Variants in CERT1 observed in about 807,000 individuals in gnomAD.
The protein encoded by CERT1 is ceramide transporter 1.
Under a neutral mutation model 87.9 loss-of-function variants are expected in CERT1, and 31 were observed. That is an observed-to-expected ratio of 0.35 (90% confidence interval 0.27 to 0.48). The LOEUF is 0.48. Among genes scored for constraint, CERT1 ranks in the 20% least tolerant of loss-of-function variants. The pLI is 0.99. For missense variants in CERT1, 487 were observed against 758.0 expected (o/e 0.64, Z 4.20); for synonymous variants, 289 against 250.9 (o/e 1.15, Z -1.44).
At chr5:75,409,830 CGT>C (rs1561242254) in intron 8 of CERT1, among the ~76,000 whole-genome samples, 1 of 143,206 alleles carries the variant, frequency 7.0e-6, no homozygotes, top group African/African-American at 2.5e-5. Context: ...CTGGCCAACA[CGT>C]TTTTTTTTTT....
At chr5:75,423,666 A>G (rs769392779) in intron 5 of CERT1, among the ~76,000 whole-genome samples, 1 of 152,214 alleles carries the variant, frequency 6.6e-6, no homozygotes, top group Non-Finnish European at 1.5e-5. Context: ...ACTTGAGCCC[A>G]GGAGTTTAAG....
intron 11 of CERT1, among the ~76,000 whole-genome samples, chr5:75,398,732 T>C (rs1291212406): frequency 1.3e-5 from 2 of 152,204 alleles, no homozygotes; most frequent in Non-Finnish European, 2.9e-5. Flanking sequence ...CCTAAACCCT[T>C]ACCAATGCTA....
At chr5:75,415,839 G>C (rs1193942119) in intron 7 of CERT1, among the ~76,000 whole-genome samples, 3 of 151,764 alleles carry the variant, frequency 2.0e-5, no homozygotes, top group Non-Finnish European at 4.4e-5. Context: ...TGAAATCTTT[G>C]AAGATAATAA....
At chr5:75,489,886 A>C (rs1269233409) in intron 2 of CERT1, among the ~76,000 whole-genome samples, 1 of 152,206 alleles carries the variant, frequency 6.6e-6, no homozygotes, top group Non-Finnish European at 1.5e-5. Flanking sequence ...AAGGATTACA[A>C]ATCACTCTTC....
chr5:75,447,397 G>A (rs1764589448), intron 3 of CERT1, among the ~76,000 whole-genome samples: 1 of 151,634 alleles, frequency 6.6e-6, no homozygotes, highest in Non-Finnish European at 1.5e-5. Context: ...CGTTGTCTGG[G>A]TTATAAGACT....
chr5:75,413,668 T>TAC (rs148440926), intron 7 of CERT1, among the ~76,000 whole-genome samples: 11,798 of 150,150 alleles, frequency 0.079, 533 homozygotes, highest in South Asian at 0.17. Context: ...CCAACACCTA[T>TAC]ACACACACAC....
At chr5:75,372,491 T>C (rs1479345374) in intron 17 of CERT1, 1 of 152,216 alleles carries the variant, frequency 6.6e-6, no homozygotes, top group African/African-American at 2.4e-5. Context: ...TACCACCATA[T>C]AGGCACTTTT....
chr5:75,406,146 C>T (rs1367632005), intron 8 of CERT1, among the ~76,000 whole-genome samples: 9 of 152,216 alleles, frequency 5.9e-5, no homozygotes, highest in Admixed American at 5.2e-4. Context: ...AGGATCTGAA[C>T]TAATTCTTGT....
intron 2 of CERT1, among the ~76,000 whole-genome samples, chr5:75,498,297 T>C (rs1427891399): frequency 1.3e-5 from 2 of 152,170 alleles, no homozygotes; most frequent in African/African-American, 4.8e-5. Flanking sequence ...CTGCAAAAAT[T>C]TGCATAAGTA....
At chr5:75,511,863 C>G (rs899698862), upstream of CERT1, 81 of 1,529,006 alleles carry the variant, frequency 5.3e-5, 2 homozygotes, top group Non-Finnish European at 6.6e-5. Context: ...GGGCGTTGGT[C>G]CGTCGCTCGC....
At chr5:75,382,229 C>A in intron 14 of CERT1, 152 bp from the exon 15 acceptor site, 2 of 673,686 alleles carry the variant, frequency 3.0e-6, no homozygotes, top group Non-Finnish European at 5.0e-6. Flanking sequence ...TAATTATGAA[C>A]AGAGTTAATA....
chr5:75,424,168 C>CAAG (rs1763502070), intron 5 of CERT1, among the ~76,000 whole-genome samples: 1 of 152,168 alleles, frequency 6.6e-6, no homozygotes, highest in South Asian at 2.1e-4. Context: ...TTGAAGATAT[C>CAAG]TTGTTTCTTT....
chr5:75,396,111 T>C (rs1243405684), intron 11 of CERT1, among the ~76,000 whole-genome samples: 3 of 152,154 alleles, frequency 2.0e-5, no homozygotes, highest in Non-Finnish European at 4.4e-5. Flanking sequence ...TAAAACATCA[T>C]TTCAAGAAGA....
intron 2 of CERT1, among the ~76,000 whole-genome samples, chr5:75,469,679 T>A (rs550665625): frequency 6.6e-6 from 1 of 152,006 alleles, no homozygotes. Flanking sequence ...ACAGTAAGAA[T>A]AGAAAACAAT....
intron 3 of CERT1, among the ~76,000 whole-genome samples, chr5:75,448,447 T>C (rs1394598623): frequency 2.0e-5 from 3 of 152,192 alleles, no homozygotes; most frequent in African/African-American, 4.8e-5. Context: ...CAATGTTGTT[T>C]TTCATTCTCA....
chr5:75,479,893 T>C (rs186390488), intron 2 of CERT1, among the ~76,000 whole-genome samples: 5 of 152,324 alleles, frequency 3.3e-5, no homozygotes, highest in East Asian at 1.9e-4. Flanking sequence ...GTTGAACTAA[T>C]TTATGCTCCC....
At chr5:75,484,681 TATA>T (rs1179158603) in intron 2 of CERT1, among the ~76,000 whole-genome samples, 4 of 152,134 alleles carry the variant, frequency 2.6e-5, no homozygotes, top group Non-Finnish European at 5.9e-5. Context: ...TTCAGAAGGA[TATA>T]ATAATAGTAA....
intron 2 of CERT1, among the ~76,000 whole-genome samples, chr5:75,478,538 C>T (rs938512554): frequency 6.6e-6 from 1 of 152,044 alleles, no homozygotes; most frequent in African/African-American, 2.4e-5. Flanking sequence ...ACTTCAAACA[C>T]TAGATTCCTC....
At chr5:75,451,768 A>C (rs909369840) in intron 3 of CERT1, among the ~76,000 whole-genome samples, 1 of 152,176 alleles carries the variant, frequency 6.6e-6, no homozygotes, top group Non-Finnish European at 1.5e-5. Flanking sequence ...GAAGTTTCCT[A>C]AGATTATGTC....
Sources: gnomAD v4.1 joint callset for allele counts (sites outside exome capture counted in the v4.1 genomes callset) on GRCh38, gnomAD v4.1.1 for gene constraint, MANE v1.5 for transcripts, NCBI Gene and HGNC (gene_info 2026-07-23, HGNC 2026-07-21) for gene names.